The following SBF2 variants were observed in gnomAD, a reference collection of about 807,000 sequenced individuals.
SBF2 encodes myotubularin-related protein 13.
SBF2 carries 112 observed loss-of-function variants against 225.2 expected under a neutral mutation model. That is an observed-to-expected ratio of 0.50 (90% CI 0.43 to 0.58). The LOEUF is 0.58. Among genes scored for constraint, SBF2 ranks in the 20% least tolerant of loss-of-function variants. The pLI, the probability that SBF2 is intolerant of heterozygous loss-of-function variation, is 0.00. For missense variants in SBF2, 1,996 were observed against 2,206.2 expected (o/e 0.90, Z 1.91); for synonymous variants, 763 against 773.3 (o/e 0.99, Z 0.22).
chr11:9,845,103 G>C (rs1856445580), intron 24 of SBF2, among the ~76,000 whole-genome samples: 1 of 152,000 alleles, frequency 6.6e-6, no homozygotes, highest in Non-Finnish European at 1.5e-5. Flanking sequence ...GGTGAATCTG[G>C]GTAAAATATA....
intron 16 of SBF2, among the ~76,000 whole-genome samples, chr11:9,934,069 G>A (rs560367000): frequency 7.6e-6 from 1 of 131,770 alleles, no homozygotes; most frequent in African/African-American, 2.9e-5. Context: ...GTGACAGAGC[G>A]AGACTGTCTC....
At chr11:10,297,010 G>A (rs1185853352), upstream of SBF2, among the ~76,000 whole-genome samples, 1 of 152,136 alleles carries the variant, frequency 6.6e-6, no homozygotes, top group Non-Finnish European at 1.5e-5. Context: ...CTTCTTTGGA[G>A]AAATGTCTAT....
intron 19 of SBF2, among the ~76,000 whole-genome samples, chr11:9,854,923 A>T (rs1857205770): frequency 6.6e-6 from 1 of 152,194 alleles, no homozygotes; most frequent in Admixed American, 6.5e-5. Context: ...AAATATAGTT[A>T]TTGCTTGTTA....
intron 2 of SBF2, among the ~76,000 whole-genome samples, chr11:10,127,686 C>CT (rs968129134): frequency 6.6e-6 from 1 of 152,088 alleles, no homozygotes; most frequent in African/African-American, 2.4e-5. Flanking sequence ...AATATATTGT[C>CT]TTTATCTACT....
At chr11:10,061,109 T>G (rs1260796379) in intron 2 of SBF2, among the ~76,000 whole-genome samples, 2 of 152,126 alleles carry the variant, frequency 1.3e-5, no homozygotes, top group Non-Finnish European at 2.9e-5. Context: ...AACCACATAA[T>G]TATATCACTA....
intron 17 of SBF2, among the ~76,000 whole-genome samples, chr11:9,860,522 G>T (rs1857649466): frequency 1.3e-5 from 2 of 151,804 alleles, no homozygotes; most frequent in Admixed American, 6.6e-5. Context: ...GTAGAGATGG[G>T]GTTTCATCAT....
At chr11:9,979,966 G>C (rs995467209) in intron 13 of SBF2, among the ~76,000 whole-genome samples, 2 of 151,446 alleles carry the variant, frequency 1.3e-5, no homozygotes, top group Non-Finnish European at 2.9e-5. Context: ...AGGACTATAG[G>C]TGTCCATCAC....
intron 17 of SBF2, among the ~76,000 whole-genome samples, chr11:9,889,675 G>A (rs1181803646): frequency 6.6e-6 from 1 of 152,064 alleles, no homozygotes; most frequent in Non-Finnish European, 1.5e-5. Flanking sequence ...CAGTCTTAAC[G>A]AAATCTTCTA....
chr11:9,836,542 T>C (rs1310511685), intron 26 of SBF2, among the ~76,000 whole-genome samples: 1 of 152,174 alleles, frequency 6.6e-6, no homozygotes, highest in Non-Finnish European at 1.5e-5. Flanking sequence ...TGACATCCTA[T>C]AGTATTATTC....
rs919156741 is a variant in SBF2, at chr11:9,780,046, G to T, written c.*372C>A. The T allele has an allele frequency of 1.4e-5, 4 of 292,472 alleles. No homozygotes were observed. Among genetic ancestry groups the T allele is most frequent in the African/African-American group, 8.6e-5 (4 of 46,428 alleles). The allele number at this position is 292,472 out of a possible 1,614,324, so 18.1% of individuals were successfully genotyped here. ...TTTTGCTTGTTAAACAGGTCTCCGA[G>T]GAAATTATGACCTCAGAGAACAAAA... is the stretch of plus-strand genomic sequence containing the variant. On this transcript the variant is annotated 3_prime_UTR_variant, in exon 40 of 40. Transcript: ENST00000256190.
Position 10,262,632 on chromosome 11 carries a change from TTTTA to T in SBF2, c.55+31379_55+31382del, listed in dbSNP as rs1244637144. Among the ~76,000 whole-genome samples the T allele has an allele frequency of 2.6e-5, 4 of 152,318 alleles. No homozygotes were observed. In the East Asian group the frequency reaches 7.7e-4, roughly 29 times the overall value. On this transcript the variant is annotated intron_variant, in intron 1 of 39. Coordinates refer to ENST00000256190, the MANE Select transcript of SBF2 (RefSeq NM_030962.4). ...ATGCTTTCTATGTATGTATAAATTA[TTTTA>T]TTTTATAAACCGTAACTTCCAAAAG...
chr11:10,130,970 T>A (rs928420958), intron 2 of SBF2, among the ~76,000 whole-genome samples: 2 of 152,210 alleles, frequency 1.3e-5, no homozygotes, highest in African/African-American at 2.4e-5. Context: ...TTTCCAATTT[T>A]GGGCCATTGA....
At chr11:9,942,938 A>AGAAAGAAAGAAAGAAAGAAG (rs1223846067) in intron 16 of SBF2, among the ~76,000 whole-genome samples, 1 of 146,206 alleles carries the variant, frequency 6.8e-6, no homozygotes, top group East Asian at 2.0e-4. Flanking sequence ...AAAGAAAGAA[A>AGAAAGAAAGAAAGAAAGAAG]GAAGGAAGGA....
chr11:9,797,109 G>A (rs568614433), intron 32 of SBF2, among the ~76,000 whole-genome samples: 1 of 152,218 alleles, frequency 6.6e-6, no homozygotes, highest in East Asian at 1.9e-4. Context: ...CTAAATTTAG[G>A]CAAGCTGTCT....
At chr11:9,885,890 C>T (rs1003801457) in intron 17 of SBF2, among the ~76,000 whole-genome samples, 15 of 152,046 alleles carry the variant, frequency 9.9e-5, no homozygotes, top group African/African-American at 3.1e-4. Flanking sequence ...CGTAGCGTTG[C>T]CCCCCAATCT....
chr11:10,176,341 A>G (rs1034411281), intron 2 of SBF2, among the ~76,000 whole-genome samples: 86 of 152,018 alleles, frequency 5.7e-4, no homozygotes, highest in African/African-American at 2.0e-3. Flanking sequence ...AACTAAGATC[A>G]GAGCAGAACT....
chr11:9,937,478 G>A (rs1371928964), intron 16 of SBF2, among the ~76,000 whole-genome samples: 1 of 151,984 alleles, frequency 6.6e-6, no homozygotes, highest in Non-Finnish European at 1.5e-5. Flanking sequence ...ACTAGTTCAA[G>A]ATAATAAAAA....
chr11:10,000,343 T>C (rs1947906230), intron 8 of SBF2, among the ~76,000 whole-genome samples: 1 of 152,256 alleles, frequency 6.6e-6, no homozygotes, highest in South Asian at 2.1e-4. Context: ...GATGTCCTTT[T>C]CTGATGTGCT....
At chr11:10,257,203 T>A (rs917691735) in intron 1 of SBF2, among the ~76,000 whole-genome samples, 1 of 152,172 alleles carries the variant, frequency 6.6e-6, no homozygotes, top group African/African-American at 2.4e-5. Flanking sequence ...AATTATCCCA[T>A]ACTGTCAATG....
Sources: gnomAD v4.1 joint callset for allele counts (sites outside exome capture counted in the v4.1 genomes callset) on GRCh38, gnomAD v4.1.1 for gene constraint, MANE v1.5 for transcripts, NCBI Gene and HGNC (gene_info 2026-07-23, HGNC 2026-07-21) for gene names.